KCNQ1OT1: variants seen among roughly 807,000 people sequenced by gnomAD.
KCNQ1OT1 encodes KCNQ1 opposite strand/antisense transcript 1.
At chr11:2,644,891 TG>T (rs1849643276) in exon 1 of KCNQ1OT1, 1 of 398,874 alleles carries the variant, frequency 2.5e-6, no homozygotes, top group Non-Finnish European at 4.4e-6. Context: ...AAAGTCTGGC[TG>T]GGGATAGGGA....
chr11:2,668,356 T>G lies in KCNQ1OT1; in HGVS notation n.31639A>C, dbSNP rs1590019934. 2.5e-6 allele frequency: 1 copy of G among 398,612 alleles called. No homozygotes were observed. The highest frequency in any genetic ancestry group is 3.6e-5 in the East Asian group (1 of 28,082). The allele number at this position is 398,612 out of a possible 1,614,324, so 24.7% of individuals were successfully genotyped here. ...AGCTGCAGGGTCCTGGGTGGGCATA[T>G]GTTTACTCTTAGTGAATACTACCCA... On this transcript the variant is annotated non_coding_transcript_exon_variant, in exon 1 of 1. Coordinates refer to ENST00000597346, the Ensembl canonical transcript of KCNQ1OT1. The surrounding 1 kb of genome is among the most constrained non-coding windows in gnomAD (Gnocchi z 4.3).
exon 1 of KCNQ1OT1, chr11:2,688,286 G>A (rs1251679642): frequency 2.5e-6 from 1 of 398,620 alleles, no homozygotes; most frequent in Non-Finnish European, 4.4e-6. Flanking sequence ...TTTAGACAAG[G>A]AAAATGAAGA....
At chr11:2,630,377 C>T in exon 1 of KCNQ1OT1, 1 of 397,932 alleles carries the variant, frequency 2.5e-6, no homozygotes, top group Non-Finnish European at 4.4e-6. Context: ...ATTTTCTTTT[C>T]TTATATTGTC....
chr11:2,686,084 G>C (rs1850485136), exon 1 of KCNQ1OT1: 1 of 398,878 alleles, frequency 2.5e-6, no homozygotes, highest in Non-Finnish European at 4.4e-6. Flanking sequence ...GGCCAGCATT[G>C]AGTAGGCCTG....
At position 2,642,486 on chromosome 11, in the gene KCNQ1OT1, T is replaced by C. The variant is rs931893599; in HGVS notation, n.57509A>G. 7.5e-6 allele frequency: 3 copies of C among 397,952 alleles called. No homozygotes were observed. Among genetic ancestry groups the C allele is most frequent in the East Asian group, 7.2e-5 (2 of 27,968 alleles). 24.7% of individuals were successfully genotyped at this position (397,952 alleles called of 1,614,324 possible). On this transcript the variant is annotated non_coding_transcript_exon_variant, in exon 1 of 1. Coordinates refer to ENST00000597346, the Ensembl canonical transcript of KCNQ1OT1. This position sits in a 1 kb window ranked among gnomAD's most constrained non-coding sequence, Gnocchi z 4.3. ...ATTTATTGATCAGACTGAAGAGTTT[T>C]GATTTTTGTATTTCATGGTATGAGT... is the stretch of plus-strand genomic sequence containing the variant.
At position 2,642,856 on chromosome 11, in the gene KCNQ1OT1, T is replaced by G. The variant is rs1170641531; in HGVS notation, n.57139A>C. 9 of 397,864 alleles carry G rather than the reference T, an allele frequency of 2.3e-5. No individual in the cohort carries two copies. Among genetic ancestry groups the G allele is most frequent in the African/African-American group, 1.6e-4 (8 of 48,622 alleles). The allele number at this position is 397,864 out of a possible 1,614,324, so 24.6% of individuals were successfully genotyped here. A position where few individuals can be genotyped will look rare whatever the true frequency, so the allele number is the denominator to read the frequency against. On this transcript the variant is annotated non_coding_transcript_exon_variant, in exon 1 of 1. Coordinates refer to ENST00000597346, the Ensembl canonical transcript of KCNQ1OT1. The surrounding 1 kb of genome is among the most constrained non-coding windows in gnomAD (Gnocchi z 4.3). ...GCAGTATCCCTTAAGTTTCAGAATG[T>G]TGTGCTTCTATTTTCACTTGTTTCA...
rs1055698114 is a variant in KCNQ1OT1 at position 2,620,218 on chromosome 11, T to A, written n.79777A>T. The A allele has an allele frequency of 3.5e-5, 10 of 282,646 alleles. 1 individual carries two copies. Among genetic ancestry groups the A allele is most frequent in the East Asian group, 6.4e-5 (1 of 15,596 alleles). 17.5% of individuals were successfully genotyped at this position (282,646 alleles called of 1,614,324 possible). A position where few individuals can be genotyped will look rare whatever the true frequency, so the allele number is the denominator to read the frequency against. Reference sequence around the variant, plus strand: ...ATTCATGTATATATATATATTTTTTTTTTTTATTTTTTTTTTAGACGGAGT... The same window carrying A: ...ATTCATGTATATATATATATTTTTTATTTTTATTTTTTTTTTAGACGGAGT... On this transcript the variant is annotated non_coding_transcript_exon_variant, in exon 1 of 1. Transcript: ENST00000597346. This position sits in a 1 kb window ranked among gnomAD's most constrained non-coding sequence, Gnocchi z 4.5.
exon 1 of KCNQ1OT1, chr11:2,622,661 A>G (rs946845526): frequency 1.0e-5 from 4 of 398,432 alleles, no homozygotes; most frequent in East Asian, 3.6e-5. Context: ...ATTTTCTGAT[A>G]GTGTACCATT....
At chr11:2,641,937 G>T in exon 1 of KCNQ1OT1, 2 of 398,364 alleles carry the variant, frequency 5.0e-6, no homozygotes, top group Non-Finnish European at 8.9e-6. Flanking sequence ...AAATCAGTTG[G>T]CTGTAAATAC....
At chr11:2,685,875 A>G (rs1409578736) in exon 1 of KCNQ1OT1, 4 of 398,630 alleles carry the variant, frequency 1.0e-5, no homozygotes, top group African/African-American at 8.2e-5. Flanking sequence ...TCAGACCACA[A>G]CTAGACTAGG....
chr11:2,665,602 G>A lies in KCNQ1OT1; in HGVS notation n.34393C>T, dbSNP rs544576923. 4 of 396,502 alleles carry A rather than the reference G, an allele frequency of 1.0e-5. No homozygotes were observed. The South Asian group carries it at 5.2e-4, about 52-fold the overall frequency. The allele number at this position is 396,502 out of a possible 1,614,324, so 24.6% of individuals were successfully genotyped here. A position where few individuals can be genotyped will look rare whatever the true frequency, so the allele number is the denominator to read the frequency against. On this transcript the variant is annotated non_coding_transcript_exon_variant, in exon 1 of 1. Coordinates refer to ENST00000597346, the Ensembl canonical transcript of KCNQ1OT1. ...AACGTCTGCTCAGTAAACCCCCCAG[G>A]ACACACTTAGGCTGTACGGCTGTGT...
exon 1 of KCNQ1OT1, chr11:2,628,874 C>T (rs767804674): frequency 8.8e-5 from 35 of 398,066 alleles, no homozygotes; most frequent in Non-Finnish European, 1.5e-4. Flanking sequence ...AAGAGAGTAC[C>T]CTTTCCCCAT....
At chr11:2,692,220 A>C (rs1850599797) in exon 1 of KCNQ1OT1, 1 of 398,662 alleles carries the variant, frequency 2.5e-6, no homozygotes. Flanking sequence ...CCGCTTCCTC[A>C]CCACCTGCCC....
In KCNQ1OT1 at chr11:2,661,345, G is replaced by A. The variant is rs1055608322; in HGVS notation, n.38650C>T. 3 of 405,242 alleles carry A rather than the reference G, an allele frequency of 7.4e-6. No individual in the cohort carries two copies. The Admixed American group carries it at 1.2e-4, about 17-fold the overall frequency. 25.1% of individuals were successfully genotyped at this position (405,242 alleles called of 1,614,324 possible). Reference sequence around the variant, plus strand: ...AAGGATCAGTATCCTGAGCTCCTGTGTCAAAGTTGCAGAGGTGGGCCCAGG... The same window carrying A: ...AAGGATCAGTATCCTGAGCTCCTGTATCAAAGTTGCAGAGGTGGGCCCAGG... On this transcript the variant is annotated non_coding_transcript_exon_variant, in exon 1 of 1. Coordinates refer to ENST00000597346, the Ensembl canonical transcript of KCNQ1OT1. The surrounding 1 kb of genome is among the most constrained non-coding windows in gnomAD (Gnocchi z 5.9).
Position 2,617,383 on chromosome 11 carries a change from C to T in KCNQ1OT1, n.82612G>A. On this transcript the variant is annotated non_coding_transcript_exon_variant, in exon 1 of 1. Transcript: ENST00000597346. The surrounding 1 kb of genome is among the most constrained non-coding windows in gnomAD (Gnocchi z 4.6). ...TTAGCACAATGTCTTCCAGTTTCAT[C>T]CATGTGGCAAGTGGCAGGATCTCCT... 3 of 398,384 alleles carry T rather than the reference C, an allele frequency of 7.5e-6. No homozygotes were observed. The highest frequency in any genetic ancestry group is 3.6e-5 in the East Asian group (1 of 28,060). The allele number at this position is 398,384 out of a possible 1,614,324, so 24.7% of individuals were successfully genotyped here.
In KCNQ1OT1 at chr11:2,676,098, C is replaced by A. The variant is rs755031893; in HGVS notation, n.23897G>T. 1.3e-4 allele frequency: 51 copies of A among 398,482 alleles called. No homozygotes were observed. The highest frequency in any genetic ancestry group is 2.0e-4 in the Non-Finnish European group (45 of 226,066). 24.7% of individuals were successfully genotyped at this position (398,482 alleles called of 1,614,324 possible). On this transcript the variant is annotated non_coding_transcript_exon_variant, in exon 1 of 1. Coordinates refer to ENST00000597346, the Ensembl canonical transcript of KCNQ1OT1. This position sits in a 1 kb window ranked among gnomAD's most constrained non-coding sequence, Gnocchi z 4.2. ...ACAAATATACGTGTGTCTGTGTGTG[C>A]ATGTACTTAGTAGATACGGCTCCTT...
exon 1 of KCNQ1OT1, chr11:2,648,311 T>G (rs945912310): frequency 2.0e-5 from 8 of 398,470 alleles, no homozygotes; most frequent in Middle Eastern, 6.2e-4. Context: ...TCCTTCTAAT[T>G]TTAGGTTTGA....
exon 1 of KCNQ1OT1, chr11:2,610,331 A>G: frequency 2.5e-6 from 1 of 398,094 alleles, no homozygotes. Flanking sequence ...CATCTTTATT[A>G]TGCGCTATTA....
chr11:2,631,232 C>T (rs868622311), exon 1 of KCNQ1OT1: 6 of 398,362 alleles, frequency 1.5e-5, no homozygotes, highest in African/African-American at 1.2e-4. Flanking sequence ...ATTAACTCTC[C>T]TGATGGTGTC....
Sources: allele counts gnomAD v4.1 joint callset, GRCh38; gene constraint gnomAD v4.1.1; non-coding constraint Gnocchi (gnomAD v3.1); transcripts MANE v1.5; gene names NCBI Gene and HGNC (gene_info 2026-07-23, HGNC 2026-07-21).